PCSK6: variants seen among roughly 807,000 people sequenced by gnomAD.
PCSK6 encodes the protein paired basic amino acid cleaving enzyme 4.
In PCSK6, 85 loss-of-function variants were observed where a neutral mutation model predicts 123.3. The ratio of observed to expected loss-of-function variants is 0.69; its 90% CI spans 0.58 to 0.83. The LOEUF (loss-of-function observed/expected upper bound fraction) is 0.83, where lower values mean the gene tolerates loss of function less well. PCSK6 is among the 40% of genes least tolerant of loss of function. The pLI, the probability that PCSK6 is intolerant of heterozygous loss-of-function variation, is 0.00. For synonymous variants in PCSK6, 508 were observed against 516.0 expected (o/e 0.98, Z 0.21); for missense variants, 1,191 against 1,282.3 (o/e 0.93, Z 1.09).
rs185678836 is a variant in PCSK6 at position 101,457,695 on chromosome 15, C to G, written c.298-14035G>C. 5.3e-4 allele frequency among the ~76,000 whole-genome samples: 81 copies of G among 152,296 alleles called. 1 individual carries two copies. The East Asian group carries it at 0.014, about 27-fold the overall frequency. ...CCATACAGGGCCAAGGTGAACAGTA[C>G]AGGGTGCAGGGCAGAGGGGAGCCGA... On this transcript the variant is annotated intron_variant, in intron 1 of 21. Transcript: ENST00000611716.
intron 20 of PCSK6, chr15:101,308,543 G>A (rs2039776380): frequency 6.6e-6 from 1 of 152,240 alleles, no homozygotes; most frequent in Non-Finnish European, 1.5e-5. Flanking sequence ...GTGTGTCTGA[G>A]GATGCTGAGC....
Position 101,305,252 on chromosome 15 carries a change from G to GCAC in PCSK6, c.*3_*5dup, listed in dbSNP as rs1480739804. 6.8e-6 allele frequency: 11 copies of GCAC among 1,606,726 alleles called. No homozygotes were observed. Among genetic ancestry groups the GCAC allele is most frequent in the Non-Finnish European group, 9.3e-6 (11 of 1,177,312 alleles). ...GTGCCTGCCCTCTGTGGGCAGCTAG[G>GCAC]CACCCTTACCCGGCCAGGAGGCACG... On this transcript the variant is annotated 3_prime_UTR_variant, in exon 22 of 22. Transcript: ENST00000611716. This position sits in a 1 kb window ranked among gnomAD's most constrained non-coding sequence, Gnocchi z 4.8.
At chr15:101,341,250 T>TC (rs1223514444) in intron 13 of PCSK6, among the ~76,000 whole-genome samples, 1 of 107,780 alleles carries the variant, frequency 9.3e-6, no homozygotes, top group Non-Finnish European at 2.3e-5. Context: ...AGTGTGGGGT[T>TC]TTTTTTTTTT....
Position 101,429,980 on chromosome 15 carries a change from G to T in PCSK6, c.734+7C>A, listed in dbSNP as rs143195142. The stretch of plus-strand genomic sequence containing the variant: ...AGAAGCCGGGGAGATGAGGCGAGGT[G>T]ACGTACTTATTTTCATTGCTGGCAT... On this transcript the variant is annotated splice_region_variant and intron_variant, in intron 5 of 21. Coordinates refer to ENST00000611716, the MANE Select transcript of PCSK6 (RefSeq NM_002570.5). 21 of 1,609,260 alleles carry T rather than the reference G, an allele frequency of 1.3e-5. No homozygotes were observed. In the East Asian group the frequency reaches 4.7e-4, roughly 36 times the overall value.
At chr15:101,427,426 G>T (rs116649183) in intron 6 of PCSK6, among the ~76,000 whole-genome samples, 1 of 152,148 alleles carries the variant, frequency 6.6e-6, no homozygotes, top group Non-Finnish European at 1.5e-5. Flanking sequence ...TGTCTAAGGG[G>T]CACTATGAAA....
intron 13 of PCSK6, among the ~76,000 whole-genome samples, chr15:101,362,248 G>A (rs942505764): frequency 3.3e-5 from 5 of 152,162 alleles, no homozygotes; most frequent in South Asian, 4.1e-4. Context: ...GAGCCACCAT[G>A]CCCAGCCCAA....
At chr15:101,389,442 A>G (rs750373184) in intron 9 of PCSK6, 22 bp downstream of exon 9, 4 of 1,578,018 alleles carry the variant, frequency 2.5e-6, no homozygotes, top group South Asian at 1.1e-5. Flanking sequence ...TTTTTTTTAG[A>G]AAAAGGTAAG....
intron 11 of PCSK6, among the ~76,000 whole-genome samples, chr15:101,379,105 C>A (rs2041837776): frequency 1.3e-5 from 2 of 152,226 alleles, no homozygotes; most frequent in South Asian, 2.1e-4. Context: ...TCATTCGGGG[C>A]CCTGGATGCA....
intron 1 of PCSK6, among the ~76,000 whole-genome samples, chr15:101,473,926 T>G (rs537328167): frequency 6.6e-6 from 1 of 152,282 alleles, no homozygotes; most frequent in East Asian, 1.9e-4. Context: ...AATGAATGAA[T>G]GGTTGTGAGG....
intron 1 of PCSK6, among the ~76,000 whole-genome samples, chr15:101,488,809 C>G (rs571296330): frequency 2.0e-5 from 3 of 151,728 alleles, no homozygotes; most frequent in South Asian, 2.1e-4. Context: ...CATCTACCCC[C>G]GGGAGCCGCG....
intron 13 of PCSK6, among the ~76,000 whole-genome samples, chr15:101,348,225 C>T (rs2040793585): frequency 6.6e-6 from 1 of 152,212 alleles, no homozygotes; most frequent in Non-Finnish European, 1.5e-5. Flanking sequence ...GCAGCCATTC[C>T]AACGCCCAGG....
At chr15:101,382,473 G>A (rs1200120186) in intron 10 of PCSK6, among the ~76,000 whole-genome samples, 1 of 152,224 alleles carries the variant, frequency 6.6e-6, no homozygotes, top group Non-Finnish European at 1.5e-5. Flanking sequence ...GAGTAGAAGT[G>A]CTGAGAAGGT....
rs575227214 is a variant in PCSK6, at chr15:101,456,989, T to C, written c.298-13329A>G. On this transcript the variant is annotated intron_variant, in intron 1 of 21. Transcript: ENST00000611716. ...GATTTCGAGACTAGCCTGGCCAACA[T>C]GGTGAAACCCCGTCTCTACCAAAAA... 2.2e-4 allele frequency among the ~76,000 whole-genome samples: 34 copies of C among 152,160 alleles called. 1 individual carries two copies. Among genetic ancestry groups the C allele is most frequent in the African/African-American group, 7.5e-4 (31 of 41,530 alleles).
intron 12 of PCSK6, among the ~76,000 whole-genome samples, chr15:101,369,720 T>C (rs1282222637): frequency 6.6e-6 from 1 of 151,694 alleles, no homozygotes; most frequent in Admixed American, 6.6e-5. Context: ...TGTTTCTAAG[T>C]TTGTTAAAGA....
At chr15:101,362,600 G>A (rs2041264500) in intron 13 of PCSK6, among the ~76,000 whole-genome samples, 1 of 152,138 alleles carries the variant, frequency 6.6e-6, no homozygotes. Flanking sequence ...CTGTGCAAGA[G>A]GGCACTTCTA....
chr15:101,464,070 C>T (rs902960825), intron 1 of PCSK6, among the ~76,000 whole-genome samples: 1 of 152,044 alleles, frequency 6.6e-6, no homozygotes, highest in African/African-American at 2.4e-5. Flanking sequence ...GTTTTGGCAG[C>T]GAACTCTCAC....
intron 6 of PCSK6, among the ~76,000 whole-genome samples, chr15:101,408,434 C>T (rs745739401): frequency 2.6e-5 from 4 of 152,206 alleles, no homozygotes; most frequent in African/African-American, 9.6e-5. Flanking sequence ...CCATTCTCTG[C>T]GGGTGTCTGC....
At position 101,326,445 on chromosome 15, in the gene PCSK6, A is replaced by T; in HGVS notation, c.2112T>A (p.Cys704Ter). The T allele has an allele frequency of 6.3e-7, 1 of 1,585,692 alleles. No individual in the cohort carries two copies. Among genetic ancestry groups the T allele is most frequent in the Non-Finnish European group, 8.6e-7 (1 of 1,165,702 alleles). ...VCHPECGDKG[C>*]DGPNADQCLN... ...AGCACTGGTCTGCATTGGGGCCATC[A>T]CAGCCTTTGTCACCACACTCCGGAT... The change falls in exon 16 of 22, where the codon TGT (cysteine) becomes TGA (stop). Residue 704 changes from cysteine to a stop codon, truncating the protein, a stop_gained. Transcript: ENST00000611716. LOFTEE classifies it high-confidence loss of function.
intron 15 of PCSK6, among the ~76,000 whole-genome samples, chr15:101,330,079 C>T (rs2040342046): frequency 6.6e-6 from 1 of 152,224 alleles, no homozygotes; most frequent in Non-Finnish European, 1.5e-5. Flanking sequence ...CTTTGGCCAC[C>T]AGACGGCTCT....
Sources: allele counts gnomAD v4.1 joint callset (sites outside exome capture counted in the v4.1 genomes callset), GRCh38; gene constraint gnomAD v4.1.1; non-coding constraint Gnocchi (gnomAD v3.1); transcripts MANE v1.5; gene names NCBI Gene and HGNC (gene_info 2026-07-23, HGNC 2026-07-21).